PARP9: variants seen among roughly 807,000 people sequenced by gnomAD.
PARP9 encodes the protein protein mono-ADP-ribosyltransferase PARP9.
Under a neutral mutation model 68.8 loss-of-function variants are expected in PARP9, and 48 were observed. The ratio of observed to expected loss-of-function variants is 0.70; its 90% confidence interval spans 0.55 to 0.89. The LOEUF (loss-of-function observed/expected upper bound fraction) is 0.89, where lower values mean the gene tolerates loss of function less well. Among genes scored for constraint, PARP9 ranks in the 40% least tolerant of loss-of-function variants. The pLI is 0.00. For missense variants in PARP9, 806 were observed against 969.3 expected (o/e 0.83, Z 2.24); for synonymous variants, 309 against 333.8 (o/e 0.93, Z 0.81).
chr3:122,548,817 T>C (rs1162491750), intron 6 of PARP9, among the ~76,000 whole-genome samples: 1 of 152,140 alleles, frequency 6.6e-6, no homozygotes, highest in African/African-American at 2.4e-5. Context: ...TGGGTTGAAT[T>C]TGAGGGCAGT....
At chr3:122,557,231 C>T (rs1300175021) in intron 3 of PARP9, among the ~76,000 whole-genome samples, 1 of 152,160 alleles carries the variant, frequency 6.6e-6, no homozygotes, top group East Asian at 1.9e-4. Context: ...TTCAAAAAGG[C>T]CACCATGCCT....
intron 10 of PARP9, among the ~76,000 whole-genome samples, chr3:122,531,528 C>T (rs543523203): frequency 3.3e-5 from 5 of 152,224 alleles, no homozygotes; most frequent in Admixed American, 6.5e-5. Context: ...GAGGCCGAGG[C>T]GGGTGGATCA....
intron 10 of PARP9, chr3:122,535,661 A>G (rs989310517): frequency 8.1e-6 from 8 of 986,556 alleles, no homozygotes; most frequent in Non-Finnish European, 9.6e-6. Flanking sequence ...GATGAAGAGG[A>G]TCTTAAGATG....
At chr3:122,530,176 C>CAAA (rs11295677) in intron 10 of PARP9, among the ~76,000 whole-genome samples, 4 of 82,292 alleles carry the variant, frequency 4.9e-5, no homozygotes, top group South Asian at 3.8e-4. Context: ...GGCCCTGTCT[C>CAAA]AAAAAAAAAA....
At chr3:122,536,432 A>G (rs1365663061) in intron 9 of PARP9, 90 bp from the exon 10 acceptor site, 1 of 1,521,894 alleles carries the variant, frequency 6.6e-7, no homozygotes, top group African/African-American at 1.4e-5. Flanking sequence ...AAAGGAGCTT[A>G]TGTGCATAAT....
chr3:122,537,648 A>T (rs986660888), intron 8 of PARP9, among the ~76,000 whole-genome samples: 1 of 152,242 alleles, frequency 6.6e-6, no homozygotes, highest in Non-Finnish European at 1.5e-5. Context: ...GCTTTCACCA[A>T]TGCTTTTTGT....
At position 122,550,573 on chromosome 3, in the gene PARP9, T is replaced by C. The variant is rs1215376480; in HGVS notation, c.1326+11A>G. On this transcript the variant is annotated intron_variant, in intron 6 of 10. Transcript: ENST00000682323. ...AATGAACAGTAGGACATTTCTAAGA[T>C]ATTAACTTACCTTATATATCTCCAA... 7 of 1,579,818 alleles carry C rather than the reference T, an allele frequency of 4.4e-6. No individual in the cohort carries two copies. In the Admixed American group the frequency reaches 5.0e-5, roughly 11 times the overall value.
At chr3:122,533,919 G>A (rs2077468645) in intron 10 of PARP9, 10 of 985,342 alleles carry the variant, frequency 1.0e-5, no homozygotes, top group Non-Finnish European at 1.2e-5. Context: ...AAGAGCTTTT[G>A]TACTCCAAAT....
chr3:122,555,188 G>T (rs2079539816), intron 4 of PARP9, 98 bp downstream of exon 4: 2 of 1,200,234 alleles, frequency 1.7e-6, no homozygotes, highest in South Asian at 3.0e-5. Context: ...ATCCAAACAA[G>T]ATGGTTTCTA....
chr3:122,543,556 C>T (rs1271099119), intron 7 of PARP9, among the ~76,000 whole-genome samples: 15 of 152,268 alleles, frequency 9.9e-5, no homozygotes, highest in South Asian at 4.1e-4. Flanking sequence ...GGATTACAGG[C>T]GTAAGCCACG....
intron 8 of PARP9, 104 bp downstream of exon 8, chr3:122,540,368 C>G: frequency 7.3e-7 from 1 of 1,376,052 alleles, no homozygotes; most frequent in Non-Finnish European, 9.8e-7. Flanking sequence ...TTGATCCCTC[C>G]TCTCTCCTTC....
intron 1 of PARP9, among the ~76,000 whole-genome samples, chr3:122,562,139 T>C (rs2080258476): frequency 1.3e-5 from 2 of 151,588 alleles, no homozygotes; most frequent in Admixed American, 1.3e-4. Flanking sequence ...AACTTTTGCC[T>C]GAGCTGTGGC....
At chr3:122,545,614 CA>C (rs2078643195) in intron 6 of PARP9, 125 bp from the exon 7 acceptor site, 1 of 872,058 alleles carries the variant, frequency 1.1e-6, no homozygotes, top group African/African-American at 1.7e-5. Flanking sequence ...CCTACTACCA[CA>C]AATCTAAAGC....
intron 7 of PARP9, among the ~76,000 whole-genome samples, chr3:122,541,984 C>T (rs1427060891): frequency 6.6e-6 from 1 of 152,106 alleles, no homozygotes; most frequent in Non-Finnish European, 1.5e-5. Flanking sequence ...GATGGCCTTC[C>T]TCTGAGTAAA....
Position 122,550,568 on chromosome 3 carries a change from T to C in PARP9, c.1326+16A>G, listed in dbSNP as rs756257382. ...GAATGAATGAACAGTAGGACATTTC[T>C]AAGATATTAACTTACCTTATATATC... On this transcript the variant is annotated intron_variant, in intron 6 of 10. Transcript: ENST00000682323. 6 of 1,564,350 alleles carry C rather than the reference T, an allele frequency of 3.8e-6. No homozygotes were observed. The highest frequency in any genetic ancestry group is 3.4e-5 in the South Asian group (3 of 89,292).
intron 1 of PARP9, among the ~76,000 whole-genome samples, chr3:122,562,244 G>A (rs751140874): frequency 2.4e-4 from 36 of 150,626 alleles, no homozygotes; most frequent in African/African-American, 5.7e-4. Context: ...AGGCTGTGGC[G>A]CGATCTTGGC....
chr3:122,550,635 G>A lies in PARP9; in HGVS notation c.1275C>T (p.His425=), dbSNP rs770486854. The A allele has an allele frequency of 1.2e-6, 2 of 1,613,754 alleles. No individual in the cohort carries two copies. Among genetic ancestry groups the A allele is most frequent in the Admixed American group, 1.7e-5 (1 of 60,018 alleles). Reference sequence around the variant, plus strand: ...AGATCACAAATTTTACAGTTAACTGGTGTTTTACATGGTCTTTGGCAAATG... The same window carrying A: ...AGATCACAAATTTTACAGTTAACTGATGTTTTACATGGTCTTTGGCAAATG... The part of the protein sequence containing the change: ...VLTFAKDHVK[H]QLTVKFVIFP... Residue 425 remains histidine, a synonymous_variant, in exon 6 of 11, where the codon CAC becomes CAT. Transcript: ENST00000682323.
intron 6 of PARP9, among the ~76,000 whole-genome samples, chr3:122,549,502 C>T (rs975284785): frequency 1.3e-5 from 2 of 152,106 alleles, no homozygotes; most frequent in Non-Finnish European, 2.9e-5. Context: ...GAAGACAGGC[C>T]AGGCATATTG....
At chr3:122,562,788 C>T (rs1485924732) in intron 1 of PARP9, among the ~76,000 whole-genome samples, 3 of 152,082 alleles carry the variant, frequency 2.0e-5, no homozygotes, top group African/African-American at 7.2e-5. Flanking sequence ...TTCCTACTGC[C>T]CATTGTATTC....
Sources: gnomAD v4.1 joint callset for allele counts (sites outside exome capture counted in the v4.1 genomes callset) on GRCh38, gnomAD v4.1.1 for gene constraint, MANE v1.5 for transcripts, NCBI Gene and HGNC (gene_info 2026-07-23, HGNC 2026-07-21) for gene names.